The following ITGA8 variants were observed in gnomAD, a reference collection of about 807,000 sequenced individuals.
ITGA8 encodes integrin alpha-8.
A neutral mutation model predicts 142.3 loss-of-function variants in ITGA8; 91 were observed. The ratio of observed to expected loss-of-function variants is 0.64; its 90% CI spans 0.54 to 0.76. The LOEUF (loss-of-function observed/expected upper bound fraction) is 0.76, where lower values mean the gene tolerates loss of function less well. ITGA8 is among the 30% of genes least tolerant of loss of function. ITGA8 has a pLI of 0.00. For synonymous variants in ITGA8, 505 were observed against 485.2 expected (o/e 1.04, Z -0.54); for missense variants, 1,406 against 1,327.7 (o/e 1.06, Z -0.92).
At position 15,519,332 on chromosome 10, in the gene ITGA8, A is replaced by G; in HGVS notation, c.3063T>C (p.Leu1021=). Residue 1021 remains leucine (L), a synonymous_variant, in exon 29 of 30, where the codon CTT becomes CTC. Transcript: ENST00000378076. ...TTAAAATGGCGAGAACCAACAATCCAAGAAGTATTGCTAGTATTATTACCC... is the reference window on the plus strand; with the variant it reads ...TTAAAATGGCGAGAACCAACAATCCGAGAAGTATTGCTAGTATTATTACCC... ...PLWVIILAIL[L]GLLVLAILTL... is the part of the protein sequence containing the mutation. 2.5e-6 allele frequency: 4 copies of G among 1,613,766 alleles called. No individual in the cohort carries two copies. The highest frequency in any genetic ancestry group is 3.4e-6 in the Non-Finnish European group (4 of 1,179,784).
At chr10:15,629,548 T>C (rs1358769831) in intron 13 of ITGA8, among the ~76,000 whole-genome samples, 1 of 151,858 alleles carries the variant, frequency 6.6e-6, no homozygotes, top group African/African-American at 2.4e-5. Flanking sequence ...GCAGGCATGA[T>C]TATTTTTCCC....
chr10:15,653,101 T>A (rs922961063), intron 11 of ITGA8, among the ~76,000 whole-genome samples: 1 of 152,216 alleles, frequency 6.6e-6, no homozygotes, highest in Admixed American at 6.5e-5. Context: ...CACAGCTCTC[T>A]GCTGGTTCTT....
rs936555360 is a variant in ITGA8, at chr10:15,719,877, C to T, written c.-106G>A. On this transcript the variant is annotated 5_prime_UTR_variant, in exon 1 of 30. Transcript: ENST00000378076. The stretch of plus-strand genomic sequence containing the variant: ...TGGCGGTCCCCAGCTGCCCGTGTCC[C>T]GGGTCGGTGCGCTCGGCGCACCCGT... 8 of 864,406 alleles carry T rather than the reference C, an allele frequency of 9.3e-6. No individual in the cohort carries two copies. Among genetic ancestry groups the T allele is most frequent in the African/African-American group, 7.1e-5 (4 of 56,682 alleles). The allele number at this position is 864,406 out of a possible 1,614,324, so 53.5% of individuals were successfully genotyped here.
chr10:15,575,575 T>G lies in ITGA8; in HGVS notation c.2392A>C (p.Ile798Leu). 1 of 1,613,872 alleles carries G rather than the reference T, an allele frequency of 6.2e-7. No homozygotes were observed. The highest frequency in any genetic ancestry group is 2.2e-5 in the East Asian group (1 of 44,872). ...TCCCAGTTATGAATGGGCAGAACAATCTGCGGAGGGTGTGACACTCTGAAA... is the reference window on the plus strand; with the variant it reads ...TCCCAGTTATGAATGGGCAGAACAAGCTGCGGAGGGTGTGACACTCTGAAA... ...EIRGVSHPPQ[I>L]VLPIHNWEPE... Residue 798 changes from isoleucine (I) to leucine (L), a missense_variant, in exon 24 of 30, where the codon ATT becomes CTT. Coordinates refer to ENST00000378076, the MANE Select transcript of ITGA8 (RefSeq NM_003638.3).
At chr10:15,584,941 C>G (rs1394740694) in intron 23 of ITGA8, among the ~76,000 whole-genome samples, 1 of 152,050 alleles carries the variant, frequency 6.6e-6, no homozygotes, top group African/African-American at 2.4e-5. Context: ...GTAATCCCAG[C>G]TACTGAGGAG....
intron 13 of ITGA8, among the ~76,000 whole-genome samples, chr10:15,642,137 A>G (rs1564387567): frequency 6.6e-6 from 1 of 152,168 alleles, no homozygotes; most frequent in African/African-American, 2.4e-5. Context: ...AGAAAAAAAA[A>G]GGAAAAGAAA....
At position 15,516,642 on chromosome 10, in the gene ITGA8, T is replaced by G. The variant is rs926485707; in HGVS notation, c.*516A>C. 2 of 152,298 alleles carry G rather than the reference T, an allele frequency of 1.3e-5. No individual in the cohort carries two copies. Among genetic ancestry groups the G allele is most frequent in the African/African-American group, 4.8e-5 (2 of 41,468 alleles). The allele number at this position is 152,298 out of a possible 1,614,324, so 9.4% of individuals were successfully genotyped here. A position where few individuals can be genotyped will look rare whatever the true frequency, so the allele number is the denominator to read the frequency against. Reference sequence around the variant, plus strand: ...GTACTTTCACAGTACCAACAACATATTGCTTGTCTCCCTGAGCCATAATGT... The same window carrying G: ...GTACTTTCACAGTACCAACAACATAGTGCTTGTCTCCCTGAGCCATAATGT... On this transcript the variant is annotated 3_prime_UTR_variant, in exon 30 of 30. Coordinates refer to ENST00000378076, the MANE Select transcript of ITGA8 (RefSeq NM_003638.3).
At chr10:15,588,464 T>C (rs1040742739) in intron 22 of ITGA8, among the ~76,000 whole-genome samples, 1 of 152,172 alleles carries the variant, frequency 6.6e-6, no homozygotes, top group Non-Finnish European at 1.5e-5. Flanking sequence ...AACAAATGTG[T>C]GTGTGTGTTT....
intron 13 of ITGA8, among the ~76,000 whole-genome samples, chr10:15,623,633 C>G (rs1431163466): frequency 6.6e-6 from 1 of 152,128 alleles, no homozygotes; most frequent in Non-Finnish European, 1.5e-5. Flanking sequence ...TTGCAGTGAG[C>G]CGAGACTGCA....
rs116651768 is a variant in ITGA8 at position 15,566,051 on chromosome 10, A to T, written c.2637+6160T>A. Among the ~76,000 whole-genome samples the T allele has an allele frequency of 7.2e-3, 1,098 of 152,264 alleles. 9 individuals are homozygous for T. Among genetic ancestry groups the T allele is most frequent in the African/African-American group, 0.026 (1,068 of 41,550 alleles). Reference sequence around the variant, plus strand: ...GCAGTTAGGAAGAAGAAAGTACCCTAAAGGATAAGACAAAACTATGCAAAT... The same window carrying T: ...GCAGTTAGGAAGAAGAAAGTACCCTTAAGGATAAGACAAAACTATGCAAAT... On this transcript the variant is annotated intron_variant, in intron 25 of 29. Transcript: ENST00000378076.
At position 15,678,538 on chromosome 10, in the gene ITGA8, C is replaced by T. The variant is rs547373269; in HGVS notation, c.630+184G>A. On this transcript the variant is annotated intron_variant, in intron 5 of 29. Coordinates refer to ENST00000378076, the MANE Select transcript of ITGA8 (RefSeq NM_003638.3). ...GGCCGCTATGTGCATAAATTATTTA[C>T]ATAAAAATAAAAAGTGAATGGAAAA... 9.3e-4 allele frequency among the ~76,000 whole-genome samples: 142 copies of T among 152,160 alleles called. 1 individual carries two copies. The highest frequency in any genetic ancestry group is 6.8e-4 in the Non-Finnish European group (46 of 68,014).
chr10:15,548,691 A>G (rs770845144), intron 26 of ITGA8, 123 bp from the exon 27 acceptor site: 30 of 585,140 alleles, frequency 5.1e-5, no homozygotes, highest in Non-Finnish European at 7.6e-5. Context: ...TATTAATGTA[A>G]ATAAAGAACA....
intron 23 of ITGA8, among the ~76,000 whole-genome samples, chr10:15,585,874 C>T (rs898325585): frequency 6.6e-6 from 1 of 152,002 alleles, no homozygotes; most frequent in Non-Finnish European, 1.5e-5. Context: ...GAGAGTTAGT[C>T]ATTTATTAAA....
intron 13 of ITGA8, among the ~76,000 whole-genome samples, chr10:15,632,159 G>T (rs1027257723): frequency 3.9e-5 from 6 of 151,934 alleles, no homozygotes; most frequent in Non-Finnish European, 7.4e-5. Context: ...TTCAAGCATG[G>T]GGAGGGATGG....
chr10:15,718,686 G>A lies in ITGA8; in HGVS notation c.343+80C>T. The stretch of plus-strand genomic sequence containing the variant: ...ACAAGCTAAACGAGCAGCACACCAA[G>A]ACAGCGGGAAGTCGCCTCTGGGATG... On this transcript the variant is annotated intron_variant, in intron 2 of 29. Transcript: ENST00000378076. The A allele has an allele frequency of 1.5e-5, 23 of 1,560,220 alleles. No individual in the cohort carries two copies. In the South Asian group the frequency reaches 2.6e-4, roughly 18 times the overall value.
At chr10:15,684,435 C>T (rs1357382447) in intron 3 of ITGA8, among the ~76,000 whole-genome samples, 2 of 151,766 alleles carry the variant, frequency 1.3e-5, no homozygotes, top group Non-Finnish European at 2.9e-5. Context: ...GGCATGATCA[C>T]AGCTCACTGT....
intron 28 of ITGA8, among the ~76,000 whole-genome samples, chr10:15,522,615 T>G (rs1833091680): frequency 6.6e-6 from 1 of 152,184 alleles, no homozygotes; most frequent in Admixed American, 6.5e-5. Context: ...CACAATATAG[T>G]TTTAGTCCCT....
intron 3 of ITGA8, among the ~76,000 whole-genome samples, chr10:15,685,387 G>A (rs771675363): frequency 6.6e-6 from 1 of 152,176 alleles, no homozygotes; most frequent in Non-Finnish European, 1.5e-5. Flanking sequence ...GTTGCGTACT[G>A]TACAAATATT....
At chr10:15,617,602 T>C (rs1418276950) in intron 13 of ITGA8, among the ~76,000 whole-genome samples, 2 of 152,124 alleles carry the variant, frequency 1.3e-5, no homozygotes, top group South Asian at 2.1e-4. Flanking sequence ...GGTTTCACTG[T>C]GTTAACCAGG....
Sources: allele counts gnomAD v4.1 joint callset (sites outside exome capture counted in the v4.1 genomes callset), GRCh38; gene constraint gnomAD v4.1.1; transcripts MANE v1.5; gene names NCBI Gene and HGNC (gene_info 2026-07-23, HGNC 2026-07-21).